Variants in ZNF418 observed in about 807,000 individuals in gnomAD.
The protein encoded by ZNF418 is zinc finger protein 418.
ZNF418 carries 32 observed loss-of-function variants against 32.0 expected under a neutral mutation model. The observed-to-expected ratio is 1.00, with a 90% CI of 0.75 to 1.34. ZNF418 has a LOEUF of 1.34. Ranked by LOEUF, ZNF418 falls within the 40% of genes most tolerant of loss-of-function variation. The pLI is 0.00. For missense variants in ZNF418, 804 were observed against 812.5 expected (o/e 0.99, Z 0.13); for synonymous variants, 276 against 270.7 (o/e 1.02, Z -0.19).
Position 57,926,781 on chromosome 19 carries a change from G to A in ZNF418, c.1400C>T (p.Ser467Phe), listed in dbSNP as rs116138810. The change falls in exon 4 of 6, where the codon TCC (serine) becomes TTC (phenylalanine). Residue 467 changes from serine (S) to phenylalanine (F), a missense_variant. Coordinates refer to ENST00000396147, the MANE Select transcript of ZNF418 (RefSeq NM_133460.3). The stretch of plus-strand genomic sequence containing the variant: ...AACTCTCTGGTGTTCAATGAGGTGG[G>A]ACTTGCCCCTAAATAATTTCCTACA... ...RECRKLFRGK[S>F]HLIEHQRVHT... 1,746 of 1,614,010 alleles carry A rather than the reference G, an allele frequency of 1.1e-3. 18 individuals are homozygous for A. The African/African-American group carries it at 0.016, about 15-fold the overall frequency.
At chr19:57,923,419 T>G (rs1389880249) in intron 4 of ZNF418, 130 bp from the exon 5 acceptor site, 2 of 140,858 alleles carry the variant, frequency 1.4e-5, no homozygotes, top group Non-Finnish European at 3.2e-5. Context: ...AAAATATATA[T>G]ATATATACAT....
rs967103869 is a variant in ZNF418, at chr19:57,923,228, G to A, written c.*589C>T. 2.6e-5 allele frequency: 4 copies of A among 151,536 alleles called. No individual in the cohort carries two copies. Among genetic ancestry groups the A allele is most frequent in the African/African-American group, 9.7e-5 (4 of 41,204 alleles). The allele number at this position is 151,536 out of a possible 1,614,324, so 9.4% of individuals were successfully genotyped here. A position where few individuals can be genotyped will look rare whatever the true frequency, so the allele number is the denominator to read the frequency against. ...AGGCAGGAGAATCGCTTGAACCCTG[G>A]AGGTGGAGGCTGCAGTGAGCTGAGA... On this transcript the variant is annotated 3_prime_UTR_variant, in exon 5 of 6. Coordinates refer to ENST00000396147, the MANE Select transcript of ZNF418 (RefSeq NM_133460.3).
In ZNF418 at chr19:57,935,284, CT is replaced by C. The variant is rs1600191319; in HGVS notation, c.-205del. ...CTGTGCAGCAAGAAGGACTCTTCAC[CT>C]TCTGGGTTCAGACACCGCGGTTCGG... On this transcript the variant is annotated 5_prime_UTR_variant, in exon 1 of 6. Coordinates refer to ENST00000396147, the MANE Select transcript of ZNF418 (RefSeq NM_133460.3). 1.9e-6 allele frequency: 2 copies of C among 1,072,478 alleles called. No homozygotes were observed. The highest frequency in any genetic ancestry group is 1.5e-4 in the East Asian group (2 of 13,088). The allele number at this position is 1,072,478 out of a possible 1,614,324, so 66.4% of individuals were successfully genotyped here.
chr19:57,932,513 G>A (rs1322907242), intron 2 of ZNF418: 3 of 1,535,120 alleles, frequency 2.0e-6, no homozygotes, highest in Non-Finnish European at 2.6e-6. Flanking sequence ...CATCCCCACA[G>A]AACCAGGTGG....
rs2072200958 is a variant in ZNF418, at chr19:57,926,006, G to GGA, written c.*142_*143dup. The GGA allele has an allele frequency of 8.9e-6, 6 of 670,760 alleles. No individual in the cohort carries two copies. In the South Asian group the frequency reaches 1.2e-4, roughly 14 times the overall value. 41.6% of individuals were successfully genotyped at this position (670,760 alleles called of 1,614,324 possible). On this transcript the variant is annotated 3_prime_UTR_variant, in exon 4 of 6. Transcript: ENST00000396147. The stretch of plus-strand genomic sequence containing the variant: ...GCACTCAAGAGGCCCTTCTGCAGTG[G>GGA]GAGCTCTTCTGTATGTAATAAAACA...
chr19:57,933,900 T>A lies in ZNF418; in HGVS notation c.-78A>T. 6.2e-7 allele frequency: 1 copy of A among 1,613,372 alleles called. No homozygotes were observed. Among genetic ancestry groups the A allele is most frequent in the Non-Finnish European group, 8.5e-7 (1 of 1,179,992 alleles). On this transcript the variant is annotated splice_region_variant and 5_prime_UTR_variant, in exon 2 of 6. Transcript: ENST00000396147. ...TGTTCTCTTCTTTGCAGCCAGATGATGCCTGCAGACAAATGGGACTGTGGT... is the reference window on the plus strand; with the variant it reads ...TGTTCTCTTCTTTGCAGCCAGATGAAGCCTGCAGACAAATGGGACTGTGGT...
Position 57,925,799 on chromosome 19 carries a change from C to T in ZNF418, c.*351G>A, listed in dbSNP as rs1045355322. 1 of 219,876 alleles carries T rather than the reference C, an allele frequency of 4.5e-6. No individual in the cohort carries two copies. Among genetic ancestry groups the T allele is most frequent in the African/African-American group, 2.3e-5 (1 of 43,814 alleles). The allele number at this position is 219,876 out of a possible 1,614,324, so 13.6% of individuals were successfully genotyped here. ...GGTGAAAAATGCCACACAGCTCCAA[C>T]ATAATTGAGTTTATGCAGATGCTGA... On this transcript the variant is annotated 3_prime_UTR_variant, in exon 4 of 6. Coordinates refer to ENST00000396147, the MANE Select transcript of ZNF418 (RefSeq NM_133460.3).
At chr19:57,923,535 T>TAC (rs1352069825) in intron 4 of ZNF418, among the ~76,000 whole-genome samples, 9 of 131,282 alleles carry the variant, frequency 6.9e-5, no homozygotes, top group African/African-American at 1.8e-4. Context: ...TACATATATA[T>TAC]ACATACACAC....
chr19:57,923,650 C>G (rs1054032993), intron 4 of ZNF418, among the ~76,000 whole-genome samples: 1 of 151,904 alleles, frequency 6.6e-6, no homozygotes, highest in Non-Finnish European at 1.5e-5. Context: ...TCTTGGCTCA[C>G]GGCAAGCTCC....
chr19:57,926,566 C>T lies in ZNF418; in HGVS notation c.1615G>A (p.Glu539Lys). The T allele has an allele frequency of 6.2e-7, 1 of 1,614,104 alleles. No homozygotes were observed. Among genetic ancestry groups the T allele is most frequent in the South Asian group, 1.1e-5 (1 of 91,076 alleles). ...AATGACTTTCCACATTCTCCACATT[C>T]ATAAGGCCTTTCTCCAGTATGAACT... Reference protein sequence around the residue: ...RRVHTGERPYECGECGKSFHQ... With the variant: ...RRVHTGERPYKCGECGKSFHQ... The change falls in exon 4 of 6, where the codon GAA (glutamate) becomes AAA (lysine). Residue 539 changes from glutamate to lysine, a missense_variant. Physicochemically the swap from Glu to Lys is moderately conservative, Grantham distance 56. Coordinates refer to ENST00000396147, the MANE Select transcript of ZNF418 (RefSeq NM_133460.3).
chr19:57,927,047 A>T lies in ZNF418; in HGVS notation c.1134T>A (p.Cys378Ter). ...CAGTTAGGGTGCCCTTTTGACTAAA[A>T]CATTTTCCACATTCTTCACACTCAT... ...RPYECEECGK[C>*]FSQKGTLTEH... The change falls in exon 4 of 6, where the codon TGT (cysteine) becomes TGA (stop). Residue 378 changes from cysteine (C) to a stop codon, truncating the protein, a stop_gained. Transcript: ENST00000396147. LOFTEE classifies it low-confidence loss of function (END_TRUNC). 3 of 1,613,624 alleles carry T rather than the reference A, an allele frequency of 1.9e-6. No individual in the cohort carries two copies. The East Asian group carries it at 6.7e-5, about 36-fold the overall frequency.
chr19:57,926,047 G>A lies in ZNF418; in HGVS notation c.*103C>T, dbSNP rs1261736563. On this transcript the variant is annotated 3_prime_UTR_variant, in exon 4 of 6. Coordinates refer to ENST00000396147, the MANE Select transcript of ZNF418 (RefSeq NM_133460.3). ...TAATAAAACAAGACTTCTGCATAAAGAATATCCCACGTTTGTCACACTCAT... is the reference window on the plus strand; with the variant it reads ...TAATAAAACAAGACTTCTGCATAAAAAATATCCCACGTTTGTCACACTCAT... 2.0e-6 allele frequency: 2 copies of A among 993,222 alleles called. No homozygotes were observed. Among genetic ancestry groups the A allele is most frequent in the South Asian group, 1.7e-5 (1 of 59,772 alleles). 61.5% of individuals were successfully genotyped at this position (993,222 alleles called of 1,614,324 possible).
intron 3 of ZNF418, among the ~76,000 whole-genome samples, chr19:57,928,448 G>C (rs2072340342): frequency 6.6e-6 from 1 of 152,120 alleles, no homozygotes; most frequent in Non-Finnish European, 1.5e-5. Flanking sequence ...ACTTTTTGTA[G>C]AGGTGGGGTT....
rs2072640805 is a variant in ZNF418, at chr19:57,935,064, G to A, written c.-81+97C>T. On this transcript the variant is annotated intron_variant, in intron 1 of 5. Coordinates refer to ENST00000396147, the MANE Select transcript of ZNF418 (RefSeq NM_133460.3). Reference sequence around the variant, plus strand: ...CGAACGCCTCAGTGTCCCGACGCCGGGTCCGGGCTGCAGACCTGTGAACAG... The same window carrying A: ...CGAACGCCTCAGTGTCCCGACGCCGAGTCCGGGCTGCAGACCTGTGAACAG... 5.2e-6 allele frequency: 7 copies of A among 1,339,682 alleles called. No individual in the cohort carries two copies. In the South Asian group the frequency reaches 9.9e-5, roughly 19 times the overall value. 83.0% of individuals were successfully genotyped at this position (1,339,682 alleles called of 1,614,324 possible).
intron 4 of ZNF418, among the ~76,000 whole-genome samples, chr19:57,925,416 A>C (rs1002038811): frequency 6.6e-6 from 1 of 151,414 alleles, no homozygotes; most frequent in Non-Finnish European, 1.5e-5. Flanking sequence ...AGCTGAGATC[A>C]CGCCACTGTA....
At chr19:57,934,807 C>T in intron 1 of ZNF418, 1 of 296,722 alleles carries the variant, frequency 3.4e-6, no homozygotes, top group Non-Finnish European at 6.2e-6. Flanking sequence ...GGATCGCATC[C>T]CTCCTTTCTT....
intron 5 of ZNF418, among the ~76,000 whole-genome samples, 193 bp downstream of exon 5, chr19:57,922,997 CAA>C (rs34078539): frequency 2.5e-3 from 209 of 84,446 alleles, no homozygotes; most frequent in East Asian, 4.2e-3. Context: ...GACACTGTCT[CAA>C]AAAAAAAAAA....
At chr19:57,929,366 G>A (rs75226727) in intron 3 of ZNF418, among the ~76,000 whole-genome samples, 1,894 of 152,358 alleles carry the variant, frequency 0.012, 20 homozygotes, top group Middle Eastern at 0.024. Context: ...GCTGAGCCTG[G>A]ATTCAACTGC....
intron 2 of ZNF418, among the ~76,000 whole-genome samples, chr19:57,931,421 C>G (rs551332959): frequency 6.6e-6 from 1 of 152,154 alleles, no homozygotes; most frequent in South Asian, 2.1e-4. Context: ...AGGCTGGTCT[C>G]AAACTCCTGA....
Sources: gnomAD v4.1 joint callset for allele counts (sites outside exome capture counted in the v4.1 genomes callset) on GRCh38, gnomAD v4.1.1 for gene constraint, MANE v1.5 for transcripts, NCBI Gene and HGNC (gene_info 2026-07-23, HGNC 2026-07-21) for gene names.